SSBP2: variants seen among roughly 807,000 people sequenced by gnomAD.
The protein encoded by SSBP2 is single-stranded DNA-binding protein 2.
A neutral mutation model predicts 61.8 loss-of-function variants in SSBP2; 17 were observed. That is an observed-to-expected ratio of 0.28 (90% confidence interval 0.19 to 0.41). SSBP2 has a LOEUF of 0.41. SSBP2 is among the 10% of genes least tolerant of loss of function. The pLI, the probability that SSBP2 is intolerant of heterozygous loss-of-function variation, is 1.00. For synonymous variants in SSBP2, 139 were observed against 141.3 expected, an observed-to-expected ratio of 0.98 and a Z score of 0.12; for missense variants, 310 against 458.7, an observed-to-expected ratio of 0.68 and a Z score of 2.96.
chr5:81,581,825 T>C (rs1774669930), intron 4 of SSBP2, among the ~76,000 whole-genome samples: 1 of 152,150 alleles, frequency 6.6e-6, no homozygotes, highest in Admixed American at 6.5e-5. Context: ...GGTCACATAA[T>C]TGCTTCAAAA....
At chr5:81,489,144 G>T in intron 6 of SSBP2, 106 bp downstream of exon 6, 1 of 1,019,214 alleles carries the variant, frequency 9.8e-7, no homozygotes, top group Non-Finnish European at 1.5e-6. Context: ...AGCATTAAAT[G>T]GGACAGAAAA....
At chr5:81,443,949 G>A (rs1300833007) in intron 12 of SSBP2, among the ~76,000 whole-genome samples, 2 of 152,184 alleles carry the variant, frequency 1.3e-5, no homozygotes, top group Admixed American at 1.3e-4. Context: ...TCTCATGGCA[G>A]TAACCATAGA....
At position 81,440,468 on chromosome 5, in the gene SSBP2, A is replaced by G. The variant is rs1001597459; in HGVS notation, c.928+90T>C. ...AGTATTTAAAAATGAGTAGCTGGCT[A>G]TGGAAGAACTTTGGAAACTGTAATA... is the stretch of plus-strand genomic sequence containing the variant. On this transcript the variant is annotated intron_variant, in intron 14 of 16. Coordinates refer to ENST00000320672, the MANE Select transcript of SSBP2 (RefSeq NM_012446.5). The G allele has an allele frequency of 3.8e-6, 4 of 1,047,274 alleles. No individual in the cohort carries two copies. The African/African-American group carries it at 6.5e-5, about 17-fold the overall frequency. The allele number at this position is 1,047,274 out of a possible 1,614,324, so 64.9% of individuals were successfully genotyped here.
rs142189944 is a variant in SSBP2, at chr5:81,670,929, T to C, written c.63-20590A>G. On this transcript the variant is annotated intron_variant, in intron 1 of 16. Transcript: ENST00000320672. Reference sequence around the variant, plus strand: ...TCATATTTAAGTATGCACATTAATATTCACCATTAAGTGATGCCAGTGCTT... The same window carrying C: ...TCATATTTAAGTATGCACATTAATACTCACCATTAAGTGATGCCAGTGCTT... Among the ~76,000 whole-genome samples, 857 of 152,324 alleles carry C rather than the reference T, an allele frequency of 5.6e-3. 7 individuals are homozygous for C. Among genetic ancestry groups the C allele is most frequent in the African/African-American group, 0.02 (832 of 41,580 alleles).
intron 1 of SSBP2, among the ~76,000 whole-genome samples, chr5:81,749,895 G>A (rs1561758311): frequency 2.0e-5 from 3 of 152,138 alleles, no homozygotes; most frequent in Admixed American, 2.0e-4. Flanking sequence ...CTGTAACCAA[G>A]CGGCTCCTTC....
intron 10 of SSBP2, among the ~76,000 whole-genome samples, chr5:81,458,719 A>G (rs1764334439): frequency 6.6e-6 from 1 of 152,244 alleles, no homozygotes; most frequent in Non-Finnish European, 1.5e-5. Flanking sequence ...GGAATTCAAC[A>G]TAATTTGGAT....
At chr5:81,687,768 G>A (rs1474612914) in intron 1 of SSBP2, among the ~76,000 whole-genome samples, 3 of 152,152 alleles carry the variant, frequency 2.0e-5, no homozygotes, top group African/African-American at 7.2e-5. Flanking sequence ...GGAACCCACT[G>A]TCTTGAAGGG....
chr5:81,447,546 T>C (rs1017792967), intron 11 of SSBP2, among the ~76,000 whole-genome samples: 4 of 152,166 alleles, frequency 2.6e-5, no homozygotes, highest in Non-Finnish European at 5.9e-5. Flanking sequence ...ATAACCAAAA[T>C]AGATAATTCA....
intron 16 of SSBP2, among the ~76,000 whole-genome samples, chr5:81,426,516 A>T (rs984282879): frequency 6.6e-6 from 1 of 152,216 alleles, no homozygotes; most frequent in African/African-American, 2.4e-5. Context: ...GCTTAAGTTC[A>T]GGGGCAGGGA....
intron 4 of SSBP2, among the ~76,000 whole-genome samples, chr5:81,534,848 G>A (rs1284375922): frequency 6.6e-6 from 1 of 152,044 alleles, no homozygotes; most frequent in Admixed American, 6.6e-5. Context: ...AGGAAGCACA[G>A]AGAACATTAA....
At chr5:81,662,197 G>A (rs1750748937) in intron 1 of SSBP2, among the ~76,000 whole-genome samples, 1 of 152,182 alleles carries the variant, frequency 6.6e-6, no homozygotes, top group Non-Finnish European at 1.5e-5. Context: ...CAGGTGTGGT[G>A]GCTCATGCCT....
At chr5:81,640,422 T>TG in intron 2 of SSBP2, among the ~76,000 whole-genome samples, 1 of 152,254 alleles carries the variant, frequency 6.6e-6, no homozygotes, top group African/African-American at 2.4e-5. Flanking sequence ...TTAAGGAACT[T>TG]GAAGTTAGAA....
At chr5:81,712,293 A>C (rs376135156) in intron 1 of SSBP2, among the ~76,000 whole-genome samples, 1 of 151,846 alleles carries the variant, frequency 6.6e-6, no homozygotes, top group Non-Finnish European at 1.5e-5. Context: ...AACAGTTAAG[A>C]ATATGCCTTT....
intron 5 of SSBP2, among the ~76,000 whole-genome samples, chr5:81,500,572 T>A (rs895749683): frequency 7.9e-5 from 12 of 152,148 alleles, no homozygotes; most frequent in African/African-American, 2.7e-4. Context: ...GTGATTCTCC[T>A]GCCTCAGTCT....
At chr5:81,704,165 C>G (rs1168433039) in intron 1 of SSBP2, among the ~76,000 whole-genome samples, 1 of 152,166 alleles carries the variant, frequency 6.6e-6, no homozygotes, top group Non-Finnish European at 1.5e-5. Flanking sequence ...TTCTCTTTTT[C>G]TCAATCCTTT....
At position 81,632,280 on chromosome 5, in the gene SSBP2, T is replaced by C. The variant is rs1293522634; in HGVS notation, c.197+4277A>G. ...TTTTATTTGCACATTCCCTAAACTT[T>C]TCTTTCGTTTCTATTCTGTCTTCTA... On this transcript the variant is annotated intron_variant, in intron 3 of 16. Coordinates refer to ENST00000320672, the MANE Select transcript of SSBP2 (RefSeq NM_012446.5). 3.3e-5 allele frequency among the ~76,000 whole-genome samples: 5 copies of C among 152,198 alleles called. 1 individual carries two copies. Among genetic ancestry groups the C allele is most frequent in the South Asian group, 4.1e-4 (2 of 4,830 alleles).
intron 5 of SSBP2, among the ~76,000 whole-genome samples, chr5:81,500,508 T>C (rs1348222901): frequency 1.3e-5 from 2 of 152,158 alleles, no homozygotes; most frequent in Non-Finnish European, 2.9e-5. Context: ...GTCGCCAGGC[T>C]GGAGTACAGT....
chr5:81,669,649 T>TTGGGGGA (rs1179875989), intron 1 of SSBP2, among the ~76,000 whole-genome samples: 2 of 151,662 alleles, frequency 1.3e-5, no homozygotes, highest in African/African-American at 4.8e-5. Flanking sequence ...CCACGGCCTG[T>TTGGGGGA]TGGGGGATGG....
intron 4 of SSBP2, among the ~76,000 whole-genome samples, chr5:81,600,697 GAA>G (rs1257033074): frequency 2.7e-5 from 4 of 150,912 alleles, no homozygotes; most frequent in African/African-American, 9.7e-5. Flanking sequence ...TAAGATAAAT[GAA>G]AAAAAGGAAG....
Sources: gnomAD v4.1 joint callset for allele counts (sites outside exome capture counted in the v4.1 genomes callset) on GRCh38, gnomAD v4.1.1 for gene constraint, MANE v1.5 for transcripts, NCBI Gene and HGNC (gene_info 2026-07-23, HGNC 2026-07-21) for gene names.